NAV2: variants seen among roughly 807,000 people sequenced by gnomAD.
NAV2 encodes neuron navigator 2.
Under a neutral mutation model 223.2 loss-of-function variants are expected in NAV2, and 54 were observed. The observed-to-expected ratio is 0.24, with a 90% CI of 0.19 to 0.30. The LOEUF (loss-of-function observed/expected upper bound fraction) is 0.30. Ranked by LOEUF, NAV2 falls within the 10% of genes least tolerant of loss-of-function variation. NAV2 has a pLI of 1.00. For missense variants in NAV2, 2,806 were observed against 3,147.5 expected, an observed-to-expected ratio of 0.89 and a Z score of 2.60; for synonymous variants, 1,279 against 1,239.3, an observed-to-expected ratio of 1.03 and a Z score of -0.67.
chr11:20,116,579 A>C (rs2063110918), intron 37 of NAV2, among the ~76,000 whole-genome samples: 1 of 152,212 alleles, frequency 6.6e-6, no homozygotes, highest in Non-Finnish European at 1.5e-5. Context: ...TAGAGGAAAG[A>C]ATGGCCAGCC....
rs374224699 is a variant in NAV2 at position 19,939,669 on chromosome 11, C to T, written c.2042C>T (p.Thr681Met). ...TCGGTTTGTGTGTGAAGGTCTCAGA[C>T]GGACACTGAAGGGAATGTTACTGCC... is the stretch of plus-strand genomic sequence containing the variant. ...TVAPFLYRSQTDTEGNVTAES... is the reference protein window; with the variant it reads ...TVAPFLYRSQMDTEGNVTAES... The change falls in exon 8 of 38, where the codon ACG (threonine) becomes ATG (methionine). Residue 681 changes from threonine to methionine, a missense_variant. Around this residue, in one of 4 missense-constraint regions of NAV2, gnomAD observed 1,167 missense variants for 1,180.5 expected, o/e 0.99. Coordinates refer to ENST00000349880, the MANE Select transcript of NAV2 (RefSeq NM_145117.5). 4.8e-5 allele frequency: 78 copies of T among 1,613,890 alleles called. No individual in the cohort carries two copies. The highest frequency in any genetic ancestry group is 1.7e-4 in the Middle Eastern group (1 of 6,060).
rs2056335554 is a variant in NAV2, at chr11:20,036,086, C to A, written c.2896C>A (p.Leu966Met). 1.9e-6 allele frequency: 3 copies of A among 1,614,224 alleles called. No individual in the cohort carries two copies. The East Asian group carries it at 6.7e-5, about 36-fold the overall frequency. Residue 966 changes from leucine (L) to methionine (M), a missense_variant, in exon 12 of 38, where the codon CTG becomes ATG. Coordinates refer to ENST00000349880, the MANE Select transcript of NAV2 (RefSeq NM_145117.5). ...ANTPASSRKN[L>M]DVQTDAEKHS... ...CACACCTGCCTCCTCTCGAAAAAAC[C>A]TGGATGTGCAGGTGAGGAACACAGG...
At chr11:19,964,072 G>T (rs1022753326) in intron 10 of NAV2, among the ~76,000 whole-genome samples, 9 of 152,030 alleles carry the variant, frequency 5.9e-5, no homozygotes, top group African/African-American at 2.2e-4. Context: ...AATTGTGCAC[G>T]GCAAGTTAGA....
chr11:19,599,230 T>C (rs956085707), intron 1 of NAV2, among the ~76,000 whole-genome samples: 1 of 152,240 alleles, frequency 6.6e-6, no homozygotes, highest in Admixed American at 6.5e-5. Context: ...ATTTGCTTTT[T>C]TTCTCACCAT....
rs376454088 is a variant in NAV2, at chr11:20,111,981, A to C, written c.6961-2611A>C. Among the ~76,000 whole-genome samples, 12 of 152,212 alleles carry C rather than the reference A, an allele frequency of 7.9e-5. 2 individuals are homozygous for C. The highest frequency in any genetic ancestry group is 7.9e-4 in the Admixed American group (12 of 15,280). ...ATTCTGCAGCCCTGAGCATGTCCTC[A>C]TCCAGGCTGTAGAGTGGAGACAGAA... On this transcript the variant is annotated intron_variant, in intron 36 of 37. Transcript: ENST00000349880.
At chr11:19,670,420 A>G (rs2048545958) in intron 1 of NAV2, among the ~76,000 whole-genome samples, 2 of 152,232 alleles carry the variant, frequency 1.3e-5, no homozygotes, top group African/African-American at 4.8e-5. Flanking sequence ...TACAAACAGT[A>G]CAGGCTCAAC....
intron 3 of NAV2, among the ~76,000 whole-genome samples, chr11:19,860,388 G>C (rs1000559521): frequency 1.4e-5 from 2 of 140,790 alleles, no homozygotes; most frequent in Admixed American, 7.0e-5. Context: ...CTCACATCCC[G>C]GACGGGGCGA....
At chr11:19,348,210 G>C, upstream of NAV2, among the ~76,000 whole-genome samples, 1 of 152,214 alleles carries the variant, frequency 6.6e-6, no homozygotes, top group South Asian at 2.1e-4. Context: ...TCCAGCACAG[G>C]GGCCTGGCAC....
At chr11:19,999,237 TCAGTCCTCAGC>T (rs2052289282) in intron 11 of NAV2, among the ~76,000 whole-genome samples, 1 of 149,074 alleles carries the variant, frequency 6.7e-6, no homozygotes. Context: ...ACCCACCCAC[TCAGTCCTCAGC>T]CAGTCCTCAA....
rs1352306758 is a variant in NAV2, at chr11:19,945,140, CCTTT to C, written c.2147-1254_2147-1251del. 2.4e-3 allele frequency among the ~76,000 whole-genome samples: 242 copies of C among 99,418 alleles called. 1 individual carries two copies. Among genetic ancestry groups the C allele is most frequent in the African/African-American group, 7.7e-3 (226 of 29,270 alleles). The allele number at this position is 99,418 out of a possible 152,430, so 65.2% of individuals were successfully genotyped here. On this transcript the variant is annotated intron_variant, in intron 8 of 37. Transcript: ENST00000349880. ...CTCTTTCTTTCTTTCTTTCTTTCTTCCTTTCTTTCTGTCTCCCTTCCCTTCCCTT... is the reference window on the plus strand; with the variant it reads ...CTCTTTCTTTCTTTCTTTCTTTCTTCCTTTCTGTCTCCCTTCCCTTCCCTT...
rs896138077 is a variant in NAV2 at position 20,118,695 on chromosome 11, C to G, written c.*437C>G. Reference sequence around the variant, plus strand: ...GCAAAGTCGGAAACACAGAGAAGCACGGCTTCCCCTCAGCACAGACCCTCC... The same window carrying G: ...GCAAAGTCGGAAACACAGAGAAGCAGGGCTTCCCCTCAGCACAGACCCTCC... On this transcript the variant is annotated 3_prime_UTR_variant, in exon 38 of 38. Transcript: ENST00000349880. 1 of 167,888 alleles carries G rather than the reference C, an allele frequency of 6.0e-6. No homozygotes were observed. The highest frequency in any genetic ancestry group is 1.3e-5 in the Non-Finnish European group (1 of 78,578). The allele number at this position is 167,888 out of a possible 1,614,324, so 10.4% of individuals were successfully genotyped here. A position where few individuals can be genotyped will look rare whatever the true frequency, so the allele number is the denominator to read the frequency against.
intron 6 of NAV2, among the ~76,000 whole-genome samples, chr11:19,903,316 C>T (rs1015251358): frequency 3.9e-5 from 6 of 152,136 alleles, no homozygotes; most frequent in African/African-American, 9.7e-5. Context: ...TCATGCTACA[C>T]GGTGGTTTGT....
In NAV2 at chr11:19,353,459, G is replaced by C. The variant is rs147570313; in HGVS notation, c.75+2432G>C. Among the ~76,000 whole-genome samples the C allele has an allele frequency of 9.1e-4, 138 of 152,300 alleles. 1 individual carries two copies. Among genetic ancestry groups the C allele is most frequent in the African/African-American group, 3.2e-3 (133 of 41,562 alleles). ...AAGCGTCATGGAATATAGAACTAGA[G>C]ACCTGGGTTCAAATGCCAATGGTGC... On this transcript the variant is annotated intron_variant, in intron 1 of 37. Transcript: ENST00000360655.
At chr11:19,619,004 C>A (rs916202594) in intron 1 of NAV2, among the ~76,000 whole-genome samples, 4 of 7,416 alleles carry the variant, frequency 5.4e-4, no homozygotes, top group Non-Finnish European at 1.0e-3. Context: ...TGAGAACATG[C>A]GGTGTTTGGT....
At chr11:19,721,869 A>G (rs527361076) in intron 1 of NAV2, among the ~76,000 whole-genome samples, 21 of 152,370 alleles carry the variant, frequency 1.4e-4, no homozygotes, top group Middle Eastern at 6.8e-3. Context: ...TTAACTCTCA[A>G]TTAGGAAAAA....
chr11:19,967,575 G>C (rs2048880377), intron 10 of NAV2, among the ~76,000 whole-genome samples: 1 of 152,084 alleles, frequency 6.6e-6, no homozygotes, highest in Non-Finnish European at 1.5e-5. Flanking sequence ...TTATTGCCTA[G>C]ACACCAAGGT....
At chr11:19,538,141 T>C (rs1048945239) in intron 1 of NAV2, among the ~76,000 whole-genome samples, 6 of 152,176 alleles carry the variant, frequency 3.9e-5, no homozygotes, top group African/African-American at 1.4e-4. Context: ...GGTTTGTTTT[T>C]TCTGGTTCCT....
intron 1 of NAV2, among the ~76,000 whole-genome samples, chr11:19,532,216 T>C (rs989891969): frequency 1.3e-5 from 2 of 152,132 alleles, no homozygotes; most frequent in African/African-American, 4.8e-5. Flanking sequence ...CTGCAGGGCT[T>C]TGGTCTGGGG....
At chr11:19,597,780 A>G (rs1295560983) in intron 1 of NAV2, among the ~76,000 whole-genome samples, 1 of 152,194 alleles carries the variant, frequency 6.6e-6, no homozygotes, top group Non-Finnish European at 1.5e-5. Flanking sequence ...GGAGGTGGGG[A>G]GGATCGGGGA....
Sources: gnomAD v4.1 joint callset for allele counts (sites outside exome capture counted in the v4.1 genomes callset) on GRCh38, gnomAD v4.1.1 for gene constraint, gnomAD v4.1.1 regional missense constraint, MANE v1.5 for transcripts, NCBI Gene and HGNC (gene_info 2026-07-23, HGNC 2026-07-21) for gene names.